The following ANO10 variants were observed in gnomAD, a reference collection of about 807,000 sequenced individuals.
The protein encoded by ANO10 is anoctamin-10.
ANO10 carries 77 observed loss-of-function variants against 74.7 expected under a neutral mutation model. The observed-to-expected ratio is 1.03, with a 90% CI of 0.86 to 1.25. The LOEUF (loss-of-function observed/expected upper bound fraction) is 1.25. Among genes scored for constraint, ANO10 ranks in the 50% most tolerant of loss-of-function variants. The pLI, the probability that ANO10 is intolerant of heterozygous loss-of-function variation, is 0.00. For missense variants in ANO10, 721 were observed against 778.1 expected (o/e 0.93, Z 0.87); for synonymous variants, 279 against 284.9 (o/e 0.98, Z 0.21).
intron 11 of ANO10, among the ~76,000 whole-genome samples, chr3:43,467,837 C>T (rs1045998993): frequency 2.0e-5 from 3 of 152,138 alleles, no homozygotes; most frequent in African/African-American, 7.2e-5. Flanking sequence ...GTAATAAATA[C>T]AATGTCAGAC....
At chr3:43,506,763 C>T (rs551541986) in intron 11 of ANO10, among the ~76,000 whole-genome samples, 1 of 152,276 alleles carries the variant, frequency 6.6e-6, no homozygotes, top group Non-Finnish European at 1.5e-5. Flanking sequence ...GGTCTTAACC[C>T]AGAAATCATT....
intron 12 of ANO10, among the ~76,000 whole-genome samples, chr3:43,400,106 C>T (rs1163841540): frequency 6.6e-6 from 1 of 152,130 alleles, no homozygotes; most frequent in Non-Finnish European, 1.5e-5. Flanking sequence ...AAAAATTTCT[C>T]AAAATTATTT....
intron 1 of ANO10, among the ~76,000 whole-genome samples, chr3:43,680,600 C>A (rs954942029): frequency 1.3e-5 from 2 of 152,032 alleles, no homozygotes; most frequent in African/African-American, 4.8e-5. Context: ...AGATACTCCT[C>A]GAGAAGAGCA....
intron 7 of ANO10, among the ~76,000 whole-genome samples, chr3:43,574,544 AACC>A (rs1257894528): frequency 1.3e-5 from 2 of 152,196 alleles, no homozygotes; most frequent in Non-Finnish European, 2.9e-5. Flanking sequence ...TACAGGTATG[AACC>A]ACCACACCTG....
intron 11 of ANO10, among the ~76,000 whole-genome samples, chr3:43,490,638 T>TA (rs1252825808): frequency 1.3e-5 from 2 of 152,236 alleles, no homozygotes; most frequent in African/African-American, 2.4e-5. Context: ...GGAACACACT[T>TA]AATACCAAAG....
At chr3:43,457,169 A>C (rs2075165797) in intron 11 of ANO10, among the ~76,000 whole-genome samples, 1 of 152,254 alleles carries the variant, frequency 6.6e-6, no homozygotes, top group South Asian at 2.1e-4. Context: ...TTTGGTATTG[A>C]ACTTGACACT....
chr3:43,461,973 A>T (rs1400494862), intron 11 of ANO10, among the ~76,000 whole-genome samples: 2 of 152,220 alleles, frequency 1.3e-5, no homozygotes, highest in African/African-American at 4.8e-5. Context: ...GGCTTTGACA[A>T]AAATGCTGAT....
intron 10 of ANO10, among the ~76,000 whole-genome samples, chr3:43,553,407 CTCTT>C (rs2079577448): frequency 6.6e-6 from 1 of 152,116 alleles, no homozygotes; most frequent in South Asian, 2.1e-4. Context: ...GGGCCCCTCC[CTCTT>C]TCTTCTCTCC....
chr3:43,496,892 T>C (rs2149134348), intron 11 of ANO10, among the ~76,000 whole-genome samples: 1 of 152,204 alleles, frequency 6.6e-6, no homozygotes, highest in Non-Finnish European at 1.5e-5. Context: ...AGATGTACAG[T>C]GATGTAAGCT....
At chr3:43,470,359 G>C (rs1001299887) in intron 11 of ANO10, among the ~76,000 whole-genome samples, 3 of 152,102 alleles carry the variant, frequency 2.0e-5, no homozygotes, top group African/African-American at 7.2e-5. Context: ...TTTTGTTTTT[G>C]TTTTTTCTTT....
intron 11 of ANO10, among the ~76,000 whole-genome samples, chr3:43,527,879 A>C (rs1426291380): frequency 1.3e-5 from 2 of 152,128 alleles, no homozygotes; most frequent in Admixed American, 1.3e-4. Flanking sequence ...AAATGCACAG[A>C]ATCAGATGTG....
intron 11 of ANO10, among the ~76,000 whole-genome samples, chr3:43,523,913 G>C (rs1268911198): frequency 6.6e-6 from 1 of 151,868 alleles, no homozygotes; most frequent in Admixed American, 6.6e-5. Context: ...CCAGAGACTA[G>C]AGTGTAAGCC....
chr3:43,583,763 ACT>A (rs1257806833), intron 4 of ANO10, among the ~76,000 whole-genome samples: 3 of 152,148 alleles, frequency 2.0e-5, no homozygotes, highest in Non-Finnish European at 4.4e-5. Flanking sequence ...TGCACCTAGT[ACT>A]CTAACTCTAG....
upstream of ANO10, among the ~76,000 whole-genome samples, chr3:43,623,967 C>T (rs72866837): frequency 0.091 from 13,883 of 152,202 alleles, 1,001 homozygotes; most frequent in African/African-American, 0.2. Context: ...CTAGAACGCA[C>T]GGCCATCCTC....
At chr3:43,382,961 A>G (rs975299189) in intron 12 of ANO10, among the ~76,000 whole-genome samples, 2 of 152,240 alleles carry the variant, frequency 1.3e-5, no homozygotes, top group African/African-American at 4.8e-5. Context: ...AAGAACTGGT[A>G]ACAATCCTAT....
intron 2 of ANO10, among the ~76,000 whole-genome samples, chr3:43,602,138 T>C (rs756233962): frequency 1.1e-4 from 17 of 152,172 alleles, no homozygotes; most frequent in Non-Finnish European, 2.4e-4. Context: ...AAGTGTCAAA[T>C]TGACAAAGTC....
At chr3:43,679,141 G>C (rs986236979) in intron 1 of ANO10, among the ~76,000 whole-genome samples, 2 of 152,208 alleles carry the variant, frequency 1.3e-5, no homozygotes, top group Non-Finnish European at 2.9e-5. Context: ...GCAGGGCGAG[G>C]CATCGCCTCA....
intron 12 of ANO10, among the ~76,000 whole-genome samples, chr3:43,427,056 T>G (rs1485067659): frequency 6.6e-6 from 1 of 152,180 alleles, no homozygotes; most frequent in Non-Finnish European, 1.5e-5. Context: ...GGACCCTGAA[T>G]TAGAATCACT....
intron 12 of ANO10, among the ~76,000 whole-genome samples, chr3:43,382,563 T>C (rs1367138926): frequency 6.7e-6 from 1 of 148,282 alleles, no homozygotes; most frequent in Non-Finnish European, 1.5e-5. Flanking sequence ...CAGAACTAAA[T>C]GAAACAAACA....
Sources: gnomAD v4.1 joint callset for allele counts (sites outside exome capture counted in the v4.1 genomes callset) on GRCh38, gnomAD v4.1.1 for gene constraint, MANE v1.5 for transcripts, NCBI Gene and HGNC (gene_info 2026-07-23, HGNC 2026-07-21) for gene names.